Variants in ANGPT1 observed in about 807,000 individuals in gnomAD.
The protein encoded by ANGPT1 is angiopoietin-1.
In ANGPT1, 17 loss-of-function variants were observed where a neutral mutation model predicts 62.2. The observed-to-expected ratio is 0.27, with a 90% CI of 0.19 to 0.41. ANGPT1 has a LOEUF of 0.41. Ranked by LOEUF, ANGPT1 falls within the 10% of genes least tolerant of loss-of-function variation. The probability of loss-of-function intolerance (pLI) is 1.00; values close to 1 mark genes in which losing one functional copy is unlikely to be tolerated. For synonymous variants in ANGPT1, 199 were observed against 198.9 expected, an observed-to-expected ratio of 1.00 and a Z score of 0.00; for missense variants, 478 against 594.9, an observed-to-expected ratio of 0.80 and a Z score of 2.04.
chr8:107,281,915 A>G (rs1189094388), intron 7 of ANGPT1, among the ~76,000 whole-genome samples: 1 of 152,072 alleles, frequency 6.6e-6, no homozygotes, highest in African/African-American at 2.4e-5. Flanking sequence ...ACAAAGACAC[A>G]CGCCAATTCA....
intron 1 of ANGPT1, among the ~76,000 whole-genome samples, chr8:107,419,985 C>A (rs935889063): frequency 3.3e-5 from 5 of 152,106 alleles, no homozygotes; most frequent in African/African-American, 1.2e-4. Flanking sequence ...GCCCATTTTA[C>A]AGATAAAGAG....
intron 1 of ANGPT1, among the ~76,000 whole-genome samples, chr8:107,438,037 T>C (rs1050427804): frequency 1.3e-5 from 2 of 152,156 alleles, no homozygotes; most frequent in African/African-American, 4.8e-5. Context: ...TCAAAGTCCA[T>C]ACTGAACCTT....
intron 1 of ANGPT1, among the ~76,000 whole-genome samples, chr8:107,373,120 A>C (rs1337793365): frequency 6.6e-6 from 1 of 152,180 alleles, no homozygotes; most frequent in African/African-American, 2.4e-5. Flanking sequence ...ATTTACAAGG[A>C]GTTTATGCTG....
At chr8:107,343,233 G>A (rs35322733) in intron 2 of ANGPT1, among the ~76,000 whole-genome samples, 5,885 of 152,228 alleles carry the variant, frequency 0.039, 151 homozygotes, top group Non-Finnish European at 0.053. Flanking sequence ...AAACATGCAG[G>A]AAATATATTA....
intron 1 of ANGPT1, among the ~76,000 whole-genome samples, chr8:107,464,613 C>T (rs763839457): frequency 3.9e-5 from 6 of 152,032 alleles, no homozygotes; most frequent in Non-Finnish European, 7.4e-5. Flanking sequence ...TCTAGAATCA[C>T]GCTCTCTGAA....
chr8:107,382,373 G>A (rs937922667), intron 1 of ANGPT1, among the ~76,000 whole-genome samples: 1 of 152,028 alleles, frequency 6.6e-6, no homozygotes, highest in Non-Finnish European at 1.5e-5. Context: ...TCCAAGTCGA[G>A]CTGCAGTGTG....
At chr8:107,371,827 T>C (rs558004977) in intron 1 of ANGPT1, among the ~76,000 whole-genome samples, 1 of 152,218 alleles carries the variant, frequency 6.6e-6, no homozygotes, top group East Asian at 1.9e-4. Context: ...CACAATAACT[T>C]CTCATTACCT....
Position 107,303,371 on chromosome 8 carries a change from CA to C in ANGPT1, c.809-5del, listed in dbSNP as rs149628829. 0.12 allele frequency: 159,727 copies of C among 1,311,338 alleles called. No homozygotes were observed. Among genetic ancestry groups the C allele is most frequent in the East Asian group, 0.22 (8,045 of 35,780 alleles). The allele number at this position is 1,311,338 out of a possible 1,614,324, so 81.2% of individuals were successfully genotyped here. Reference sequence around the variant, plus strand: ...CTTTTTCCTCCCTTTAGTAAAACTGCAAAAAAAAAAAAAAAGATTGCAATAT... The same window carrying C: ...CTTTTTCCTCCCTTTAGTAAAACTGCAAAAAAAAAAAAAAGATTGCAATAT... On this transcript the variant is annotated splice_polypyrimidine_tract_variant and splice_region_variant and intron_variant, in intron 4 of 8. Coordinates refer to ENST00000517746, the MANE Select transcript of ANGPT1 (RefSeq NM_001146.5).
At chr8:107,445,054 A>G (rs150368801) in intron 1 of ANGPT1, among the ~76,000 whole-genome samples, 3 of 152,354 alleles carry the variant, frequency 2.0e-5, no homozygotes, top group African/African-American at 4.8e-5. Context: ...GGCTGACAAT[A>G]CATACTAATT....
intron 3 of ANGPT1, among the ~76,000 whole-genome samples, chr8:107,329,023 A>G (rs949533935): frequency 1.3e-5 from 2 of 151,984 alleles, no homozygotes; most frequent in Non-Finnish European, 2.9e-5. Flanking sequence ...TATATGTGTA[A>G]TATATGTATG....
At chr8:107,466,690 T>A (rs1330278408) in intron 1 of ANGPT1, among the ~76,000 whole-genome samples, 1 of 152,050 alleles carries the variant, frequency 6.6e-6, no homozygotes, top group Non-Finnish European at 1.5e-5. Context: ...GGCCGGTGGA[T>A]CACCTGAGGT....
At chr8:107,405,131 C>A (rs569794246) in intron 1 of ANGPT1, among the ~76,000 whole-genome samples, 2 of 151,808 alleles carry the variant, frequency 1.3e-5, no homozygotes, top group African/African-American at 4.8e-5. Flanking sequence ...AAATCACCTA[C>A]AATTATACCA....
intron 1 of ANGPT1, among the ~76,000 whole-genome samples, chr8:107,443,430 G>A (rs903179132): frequency 1.3e-5 from 2 of 151,970 alleles, no homozygotes; most frequent in African/African-American, 4.8e-5. Flanking sequence ...ATATTTTCTC[G>A]GGTCAAAAAT....
intron 1 of ANGPT1, among the ~76,000 whole-genome samples, chr8:107,388,501 T>C (rs1351158136): frequency 6.6e-6 from 1 of 152,014 alleles, no homozygotes; most frequent in Non-Finnish European, 1.5e-5. Flanking sequence ...AGGAGTCAGG[T>C]TCCATTTTGT....
At chr8:107,342,782 TAC>T (rs751210643) in intron 2 of ANGPT1, among the ~76,000 whole-genome samples, 4,489 of 138,480 alleles carry the variant, frequency 0.032, 87 homozygotes, top group South Asian at 0.056. Context: ...AACTGCCTAA[TAC>T]ACACACACAC....
chr8:107,282,593 T>C (rs1312955481), intron 7 of ANGPT1, among the ~76,000 whole-genome samples: 1 of 125,656 alleles, frequency 8.0e-6, no homozygotes, highest in African/African-American at 2.9e-5. Flanking sequence ...TATATATATA[T>C]ATGAGCCTCA....
chr8:107,478,347 G>C (rs949520921), intron 1 of ANGPT1, among the ~76,000 whole-genome samples: 10 of 151,584 alleles, frequency 6.6e-5, no homozygotes, highest in Admixed American at 5.9e-4. Flanking sequence ...TCAGGAGCTC[G>C]AGACCAGCCT....
At chr8:107,299,018 A>T (rs972287170) in intron 5 of ANGPT1, among the ~76,000 whole-genome samples, 2 of 151,650 alleles carry the variant, frequency 1.3e-5, no homozygotes, top group Admixed American at 6.6e-5. Context: ...TTATTTCAAG[A>T]TGGAAAAAAC....
intron 1 of ANGPT1, among the ~76,000 whole-genome samples, chr8:107,400,372 C>T (rs1817020972): frequency 6.6e-6 from 1 of 152,150 alleles, no homozygotes; most frequent in Non-Finnish European, 1.5e-5. Flanking sequence ...AGAACAATGC[C>T]TTCCACATAG....
Sources: allele counts gnomAD v4.1 joint callset (sites outside exome capture counted in the v4.1 genomes callset), GRCh38; gene constraint gnomAD v4.1.1; transcripts MANE v1.5; gene names NCBI Gene and HGNC (gene_info 2026-07-23, HGNC 2026-07-21).